Variants in PPP1R21 observed in about 807,000 individuals in gnomAD.
PPP1R21 encodes KLRAQ motif containing 1.
Under a neutral mutation model 112.8 loss-of-function variants are expected in PPP1R21, and 85 were observed. The observed-to-expected ratio is 0.75, with a 90% CI of 0.63 to 0.90. The LOEUF is 0.90. Among genes scored for constraint, PPP1R21 ranks in the 40% least tolerant of loss-of-function variants. The probability of loss-of-function intolerance (pLI) is 0.00; values close to 1 mark genes in which losing one functional copy is unlikely to be tolerated. For missense variants in PPP1R21, 1,199 were observed against 901.5 expected, an observed-to-expected ratio of 1.33 and a Z score of -4.23; for synonymous variants, 381 against 322.3, an observed-to-expected ratio of 1.18 and a Z score of -1.95.
intron 1 of PPP1R21, among the ~76,000 whole-genome samples, chr2:48,442,287 C>A (rs1384974875): frequency 6.6e-6 from 1 of 152,120 alleles, no homozygotes; most frequent in South Asian, 2.1e-4. Context: ...TGATCAACAC[C>A]TGTGAAAAGA....
In PPP1R21 at chr2:48,507,749, C is replaced by CTTTTTTTTTTTTTTTTT. The variant is rs34546075; in HGVS notation, c.2085+382_2085+398dup. Among the ~76,000 whole-genome samples the CTTTTTTTTTTTTTTTTT allele has an allele frequency of 1.2e-4, 5 of 42,392 alleles. 2 individuals carry two copies. Among genetic ancestry groups the CTTTTTTTTTTTTTTTTT allele is most frequent in the Non-Finnish European group, 1.9e-4 (5 of 25,836 alleles). 27.8% of individuals were successfully genotyped at this position (42,392 alleles called of 152,430 possible). Reference sequence around the variant, plus strand: ...AAGACTGATTTGAGTGAGGCTCTGCCTTTTTTTTTTTTTTTTTTTTTTTTT... The same window carrying CTTTTTTTTTTTTTTTTT: ...AAGACTGATTTGAGTGAGGCTCTGCCTTTTTTTTTTTTTTTTTTTTTTTTTTTTTTTTTTTTTTTTTT... On this transcript the variant is annotated intron_variant, in intron 19 of 21. Transcript: ENST00000294952.
At position 48,448,081 on chromosome 2, in the gene PPP1R21, C is replaced by T. The variant is rs113382361; in HGVS notation, c.58-2927C>T. Among the ~76,000 whole-genome samples, 515 of 151,856 alleles carry T rather than the reference C, an allele frequency of 3.4e-3. 8 individuals are homozygous for T. The highest frequency in any genetic ancestry group is 0.012 in the African/African-American group (488 of 41,434). ...GAAGTGATGCTGAAATGCAGAAAAA[C>T]ATCAAATGTTGCAAAGAGTAGTTAA... On this transcript the variant is annotated intron_variant, in intron 1 of 21. Coordinates refer to ENST00000294952, the MANE Select transcript of PPP1R21 (RefSeq NM_001135629.3).
chr2:48,474,167 G>A (rs1055293320), intron 11 of PPP1R21, among the ~76,000 whole-genome samples: 2 of 152,220 alleles, frequency 1.3e-5, no homozygotes, highest in South Asian at 2.1e-4. Flanking sequence ...CGGATCACCC[G>A]AGGTCAGGAG....
chr2:48,479,975 A>T lies in PPP1R21; in HGVS notation c.1277A>T (p.Asn426Ile). 1 of 1,613,478 alleles carries T rather than the reference A, an allele frequency of 6.2e-7. No individual in the cohort carries two copies. The highest frequency in any genetic ancestry group is 8.5e-7 in the Non-Finnish European group (1 of 1,179,374). ...ACAAACTACAGTTCTGTGTTAACAA[A>T]TGTTGGTGCTGCTCTGCATGGATTT... ...LRTNYSSVLT[N>I]VGAALHGFHD... is the part of the protein sequence containing the mutation. Residue 426 changes from asparagine to isoleucine, a missense_variant, in exon 13 of 22, where the codon AAT becomes ATT. Transcript: ENST00000294952.
intron 19 of PPP1R21, among the ~76,000 whole-genome samples, chr2:48,508,779 T>A (rs1188844889): frequency 2.0e-5 from 3 of 152,252 alleles, no homozygotes; most frequent in Non-Finnish European, 4.4e-5. Flanking sequence ...TTGGCTGAAC[T>A]GCCCTAAAAT....
In PPP1R21 at chr2:48,460,115, A is replaced by G; in HGVS notation, c.561A>G (p.Glu187=). Residue 187 remains glutamate, a synonymous_variant, in exon 6 of 22, where the codon GAA becomes GAG. Coordinates refer to ENST00000294952, the MANE Select transcript of PPP1R21 (RefSeq NM_001135629.3). ...TTCAGGTGAAATCTCAGACTCTAGA[A>G]AAGGAAGCCAAGGAATGTCGACTTC... ...AKLEVKSQTL[E]KEAKECRLRT... 6.2e-7 allele frequency: 1 copy of G among 1,614,180 alleles called. No homozygotes were observed. The highest frequency in any genetic ancestry group is 1.3e-5 in the African/African-American group (1 of 75,036).
chr2:48,463,535 C>T (rs139390532), intron 7 of PPP1R21, among the ~76,000 whole-genome samples: 266 of 151,908 alleles, frequency 1.8e-3, no homozygotes, highest in Non-Finnish European at 3.2e-3. Flanking sequence ...GTTTTTTGAG[C>T]AGTGGGAATG....
intron 14 of PPP1R21, 69 bp downstream of exon 14, chr2:48,486,827 GA>G: frequency 6.6e-7 from 1 of 1,513,812 alleles, no homozygotes; most frequent in Non-Finnish European, 9.0e-7. Context: ...AGGGACATAG[GA>G]AAATGGATCT....
In PPP1R21 at chr2:48,506,709, G is replaced by C. The variant is rs796979089; in HGVS notation, c.1969-560G>C. On this transcript the variant is annotated intron_variant, in intron 18 of 21. Coordinates refer to ENST00000294952, the MANE Select transcript of PPP1R21 (RefSeq NM_001135629.3). ...GCCTGTAATCCCAGCACTTTGGGAG[G>C]CCAAGGCAGGCGGATCACAAGGTCA... 6.3e-4 allele frequency among the ~76,000 whole-genome samples: 96 copies of C among 152,248 alleles called. 2 individuals carry two copies. The highest frequency in any genetic ancestry group is 2.2e-3 in the African/African-American group (90 of 41,556).
chr2:48,461,294 A>G lies in PPP1R21; in HGVS notation c.694+62A>G. On this transcript the variant is annotated intron_variant, in intron 7 of 21. Coordinates refer to ENST00000294952, the MANE Select transcript of PPP1R21 (RefSeq NM_001135629.3). ...TTGAATCTCTCTGTGGTAGCCAACT[A>G]ATTAAAGTAATTTTTAATCTTTTGG... 2 of 1,431,332 alleles carry G rather than the reference A, an allele frequency of 1.4e-6. 1 individual carries two copies. The highest frequency in any genetic ancestry group is 5.1e-4 in the Middle Eastern group (2 of 3,936). The allele number at this position is 1,431,332 out of a possible 1,614,324, so 88.7% of individuals were successfully genotyped here.
chr2:48,514,338 G>A (rs981699684), intron 21 of PPP1R21, among the ~76,000 whole-genome samples: 1 of 151,934 alleles, frequency 6.6e-6, no homozygotes, highest in Non-Finnish European at 1.5e-5. Flanking sequence ...CACCCGCCTC[G>A]GCCTCCCAAA....
intron 17 of PPP1R21, among the ~76,000 whole-genome samples, chr2:48,501,142 T>C (rs976458438): frequency 2.0e-5 from 3 of 152,196 alleles, no homozygotes; most frequent in Non-Finnish European, 4.4e-5. Flanking sequence ...AGCTACGGTG[T>C]ATAAATGAGG....
chr2:48,474,333 A>C (rs772753416), intron 11 of PPP1R21, among the ~76,000 whole-genome samples: 2 of 152,216 alleles, frequency 1.3e-5, no homozygotes, highest in Non-Finnish European at 2.9e-5. Context: ...CAGTGAGCCG[A>C]GATTGCGCCA....
rs766586665 is a variant in PPP1R21, at chr2:48,467,340, A to G, written c.897+1698A>G. ...ACAAAATTTCATTTAACCGAAAAGG[A>G]TAAAATAAATGTTGTGAGTATATTA... On this transcript the variant is annotated intron_variant, in intron 9 of 21. Coordinates refer to ENST00000294952, the MANE Select transcript of PPP1R21 (RefSeq NM_001135629.3). Among the ~76,000 whole-genome samples, 4 of 152,262 alleles carry G rather than the reference A, an allele frequency of 2.6e-5. No individual in the cohort carries two copies. The South Asian group carries it at 6.2e-4, about 24-fold the overall frequency.
At chr2:48,462,344 G>A (rs1355157354) in intron 7 of PPP1R21, among the ~76,000 whole-genome samples, 1 of 152,170 alleles carries the variant, frequency 6.6e-6, no homozygotes, top group Non-Finnish European at 1.5e-5. Flanking sequence ...GCCTCGTAAG[G>A]CAGAGATAGA....
chr2:48,482,385 C>G (rs1322065744), intron 13 of PPP1R21, among the ~76,000 whole-genome samples: 6 of 152,088 alleles, frequency 3.9e-5, no homozygotes, highest in Non-Finnish European at 7.4e-5. Flanking sequence ...ACGGGAAGGT[C>G]TTAGTACTGC....
chr2:48,477,414 C>G (rs889933068), intron 12 of PPP1R21, among the ~76,000 whole-genome samples: 4 of 152,264 alleles, frequency 2.6e-5, no homozygotes, highest in Non-Finnish European at 4.4e-5. Context: ...AGCCACCACA[C>G]CCAACCTCAT....
chr2:48,451,982 C>A (rs1041211415), intron 2 of PPP1R21, among the ~76,000 whole-genome samples: 1 of 152,204 alleles, frequency 6.6e-6, no homozygotes, highest in African/African-American at 2.4e-5. Context: ...GCTGTTAGCA[C>A]ACTCTCAGGG....
chr2:48,442,060 T>C (rs1004402939), intron 1 of PPP1R21, among the ~76,000 whole-genome samples: 17 of 152,252 alleles, frequency 1.1e-4, no homozygotes, highest in African/African-American at 3.9e-4. Context: ...ATTTCAGTGA[T>C]GCTACCATTA....
Sources: allele counts gnomAD v4.1 joint callset (sites outside exome capture counted in the v4.1 genomes callset), GRCh38; gene constraint gnomAD v4.1.1; transcripts MANE v1.5; gene names NCBI Gene and HGNC (gene_info 2026-07-23, HGNC 2026-07-21).